The following MAP3K15 variants were observed in gnomAD, a reference collection of about 807,000 sequenced individuals.
MAP3K15 encodes mitogen-activated protein kinase kinase kinase 15, also known as MAPK/ERK kinase kinase 15.
MAP3K15 carries 124 observed loss-of-function variants against 99.5 expected under a neutral mutation model. That is an observed-to-expected ratio of 1.25 (90% CI 1.08 to 1.45). The LOEUF is 1.45. MAP3K15 is among the 40% of genes most tolerant of loss of function. The probability of loss-of-function intolerance (pLI) is 0.00; values close to 1 mark genes in which losing one functional copy is unlikely to be tolerated. For missense variants in MAP3K15, 1,242 were observed against 1,079.7 expected (o/e 1.15, Z -2.11); for synonymous variants, 494 against 439.6 (o/e 1.12, Z -1.55).
chrX:19,373,278 G>A (rs2063391286), intron 21 of MAP3K15: 1 of 344,521 alleles, frequency 2.9e-6, no homozygotes, highest in African/African-American at 3.3e-5. Flanking sequence ...TGTCGAAGGA[G>A]AGGGGAGAGA....
intron 3 of MAP3K15, among the ~76,000 whole-genome samples, chrX:19,470,360 A>G (rs2064199518): frequency 9.0e-6 from 1 of 110,573 alleles, no homozygotes; most frequent in Non-Finnish European, 1.9e-5. Context: ...ATGAGAACAC[A>G]TGGACACAGG....
intron 10 of MAP3K15, among the ~76,000 whole-genome samples, chrX:19,414,766 T>C (rs1009933057): frequency 8.1e-5 from 9 of 111,728 alleles, no homozygotes; most frequent in African/African-American, 1.3e-4. Context: ...GTCCTGTGCA[T>C]TGTGGGATGT....
At position 19,372,638 on chromosome X, in the gene MAP3K15, CCCTCGGGCAAATA is replaced by C; in HGVS notation, c.3108+2_3108+14del. 8.4e-7 allele frequency: 1 copy of C among 1,191,224 alleles called. No individual in the cohort carries two copies. Among genetic ancestry groups the C allele is most frequent in the Middle Eastern group, 2.4e-4 (1 of 4,201 alleles). ...AGGGAGCGGGAAGAGTCGGTGCCCT[CCCTCGGGCAAATA>C]CCTGGGCCACACACTCCTGCAGGTT... On this transcript the variant is annotated splice_donor_variant and splice_donor_5th_base_variant and intron_variant, in intron 22 of 28. Transcript: ENST00000338883. LOFTEE classifies it high-confidence loss of function.
intron 3 of MAP3K15, chrX:19,482,287 G>C (rs2064296841): frequency 9.2e-6 from 1 of 108,943 alleles, no homozygotes; most frequent in African/African-American, 3.4e-5. Flanking sequence ...ATTTGCACTC[G>C]AATATTCACA....
chrX:19,450,405 A>G (rs191351549), intron 6 of MAP3K15, among the ~76,000 whole-genome samples: 86 of 109,734 alleles, frequency 7.8e-4, no homozygotes, highest in African/African-American at 2.8e-3. Context: ...GGCAATTCCA[A>G]AGAAAAAAAT....
chrX:19,426,823 A>AAAAAAAAAAAAAAAAAAAAAAAAAC (rs2063835523), intron 7 of MAP3K15, among the ~76,000 whole-genome samples: 1 of 100,725 alleles, frequency 9.9e-6, no homozygotes, highest in African/African-American at 4.0e-5. Context: ...GTCTCCAAAA[A>AAAAAAAAAAAAAAAAAAAAAAAAAC]AAAAAAAAAA....
intron 1 of MAP3K15, among the ~76,000 whole-genome samples, chrX:19,509,929 T>C (rs1328194992): frequency 2.7e-5 from 3 of 111,438 alleles, no homozygotes; most frequent in Non-Finnish European, 5.7e-5. Flanking sequence ...ACTGATCCCA[T>C]GGAAATACAA....
chrX:19,426,931 T>C (rs2063837401), intron 7 of MAP3K15, among the ~76,000 whole-genome samples: 1 of 108,895 alleles, frequency 9.2e-6, no homozygotes, highest in Non-Finnish European at 1.9e-5. Flanking sequence ...TCAGGGACTA[T>C]ATAAAATAGG....
chrX:19,477,759 G>C (rs1459463889), intron 3 of MAP3K15, among the ~76,000 whole-genome samples: 1 of 39,797 alleles, frequency 2.5e-5, no homozygotes, highest in Non-Finnish European at 4.6e-5. Flanking sequence ...GAAAAGAAAA[G>C]AAAAAGGAAT....
intron 6 of MAP3K15, among the ~76,000 whole-genome samples, chrX:19,448,501 T>G (rs1293572287): frequency 9.2e-6 from 1 of 108,695 alleles, no homozygotes; most frequent in East Asian, 2.8e-4. Context: ...CAATGTCTCC[T>G]GTATTTGACT....
intron 5 of MAP3K15, among the ~76,000 whole-genome samples, chrX:19,457,838 G>A (rs181598155): frequency 2.4e-4 from 27 of 111,314 alleles, no homozygotes; most frequent in Admixed American, 2.3e-3. Flanking sequence ...GGGCACTGTA[G>A]GATGCTGGCC....
chrX:19,417,241 C>T (rs776885227), intron 9 of MAP3K15, among the ~76,000 whole-genome samples: 32 of 112,478 alleles, frequency 2.8e-4, no homozygotes, highest in African/African-American at 1.0e-3. Flanking sequence ...TAAAGCAGGG[C>T]GAGGCACTGC....
At chrX:19,385,398 C>T (rs2063487736) in intron 18 of MAP3K15, among the ~76,000 whole-genome samples, 1 of 111,789 alleles carries the variant, frequency 8.9e-6, no homozygotes, top group Non-Finnish European at 1.9e-5. Flanking sequence ...CTTTTATGAC[C>T]TAGTGTCCAG....
At chrX:19,382,679 GGCAGC>G (rs2063467081) in intron 18 of MAP3K15, among the ~76,000 whole-genome samples, 1 of 111,747 alleles carries the variant, frequency 8.9e-6, no homozygotes, top group African/African-American at 3.3e-5. Flanking sequence ...TGGGCAACAT[GGCAGC>G]GCATTACACT....
intron 6 of MAP3K15, among the ~76,000 whole-genome samples, chrX:19,435,512 C>T (rs1602307290): frequency 8.9e-6 from 1 of 111,832 alleles, no homozygotes; most frequent in African/African-American, 3.3e-5. Context: ...TCAAGATTTC[C>T]CTTGAATTTT....
At chrX:19,479,243 T>C (rs1315831571) in intron 3 of MAP3K15, among the ~76,000 whole-genome samples, 1 of 111,701 alleles carries the variant, frequency 9.0e-6, no homozygotes, top group African/African-American at 3.3e-5. Context: ...GTTAGTCCCT[T>C]CTGAACTGTG....
intron 9 of MAP3K15, among the ~76,000 whole-genome samples, chrX:19,416,161 T>C (rs1286211418): frequency 9.0e-6 from 1 of 111,137 alleles, no homozygotes; most frequent in African/African-American, 3.3e-5. Context: ...TGAAATCCTG[T>C]CTCTACTAAA....
At chrX:19,460,199 C>A (rs1184133169) in intron 4 of MAP3K15, 46 bp from the exon 5 acceptor site, 8 of 967,661 alleles carry the variant, frequency 8.3e-6, no homozygotes, top group Non-Finnish European at 1.1e-5. Context: ...TCTGCACGCA[C>A]CCAGGACTGT....
intron 21 of MAP3K15, 45 bp from the exon 22 acceptor site, chrX:19,372,872 T>C: frequency 8.6e-7 from 1 of 1,161,068 alleles, no homozygotes; most frequent in Non-Finnish European, 1.2e-6. Context: ...GCCGGGGCAC[T>C]GTCCCTGGGA....
Sources: gnomAD v4.1 joint callset for allele counts (sites outside exome capture counted in the v4.1 genomes callset) on GRCh38, gnomAD v4.1.1 for gene constraint, MANE v1.5 for transcripts, NCBI Gene and HGNC (gene_info 2026-07-23, HGNC 2026-07-21) for gene names.